The following ALPK1 variants were observed in gnomAD, a reference collection of about 807,000 sequenced individuals.
The protein encoded by ALPK1 is alpha-protein kinase 1.
ALPK1 carries 110 observed loss-of-function variants against 120.6 expected under a neutral mutation model. That is an observed-to-expected ratio of 0.91 (90% CI 0.78 to 1.07). The LOEUF (loss-of-function observed/expected upper bound fraction) is 1.07, where lower values mean the gene tolerates loss of function less well. Ranked by LOEUF, ALPK1 falls within the 50% of genes least tolerant of loss-of-function variation. The pLI is 0.00. For missense variants in ALPK1, 1,498 were observed against 1,483.9 expected, an observed-to-expected ratio of 1.01 and a Z score of -0.16; for synonymous variants, 582 against 560.3, an observed-to-expected ratio of 1.04 and a Z score of -0.55.
At chr4:112,380,520 C>T (rs1731854597) in intron 3 of ALPK1, among the ~76,000 whole-genome samples, 1 of 152,158 alleles carries the variant, frequency 6.6e-6, no homozygotes, top group Non-Finnish European at 1.5e-5. Flanking sequence ...AGTCCTTCCC[C>T]ACCAGAAAAC....
At chr4:112,425,465 G>A in intron 6 of ALPK1, 200 bp from the exon 7 acceptor site, 2 of 421,230 alleles carry the variant, frequency 4.7e-6, no homozygotes, top group South Asian at 5.6e-5. Context: ...GAGTAAGTAG[G>A]GGAACTGGAG....
intron 4 of ALPK1, among the ~76,000 whole-genome samples, chr4:112,409,134 G>A (rs1234807666): frequency 6.6e-6 from 1 of 150,418 alleles, no homozygotes; most frequent in East Asian, 2.0e-4. Context: ...TTGATACGTT[G>A]GTTTTTTAAA....
chr4:112,440,784 A>G (rs1045326214), intron 14 of ALPK1, 133 bp from the exon 15 acceptor site: 18 of 1,229,970 alleles, frequency 1.5e-5, no homozygotes, highest in Non-Finnish European at 1.8e-5. Context: ...AAACCACAGG[A>G]TGGCCAAGTT....
At chr4:112,322,540 G>A (rs1728907980) in intron 2 of ALPK1, among the ~76,000 whole-genome samples, 1 of 152,184 alleles carries the variant, frequency 6.6e-6, no homozygotes, top group Non-Finnish European at 1.5e-5. Flanking sequence ...TATGTGCTAG[G>A]AGTTATTCAA....
At chr4:112,315,677 G>C (rs905236229) in intron 1 of ALPK1, 124 bp from the exon 2 acceptor site, 3 of 152,198 alleles carry the variant, frequency 2.0e-5, no homozygotes, top group African/African-American at 7.2e-5. Context: ...TGATCTTCCT[G>C]TTCCCTTATC....
chr4:112,366,850 T>A (rs1731180286), intron 2 of ALPK1, among the ~76,000 whole-genome samples: 1 of 152,240 alleles, frequency 6.6e-6, no homozygotes, highest in Admixed American at 6.5e-5. Flanking sequence ...ATATACACCA[T>A]GGACTACTAC....
intron 4 of ALPK1, among the ~76,000 whole-genome samples, chr4:112,388,139 A>T (rs549685320): frequency 1.1e-4 from 17 of 152,062 alleles, no homozygotes; most frequent in Non-Finnish European, 2.1e-4. Flanking sequence ...TAGTCAGAAT[A>T]TTTTTTCTAA....
Position 112,431,490 on chromosome 4 carries a change from T to C in ALPK1, c.1943T>C (p.Leu648Pro). 3.7e-6 allele frequency: 6 copies of C among 1,614,152 alleles called. No homozygotes were observed. Among genetic ancestry groups the C allele is most frequent in the Non-Finnish European group, 5.1e-6 (6 of 1,180,008 alleles). Residue 648 changes from leucine (L) to proline (P), a missense_variant, in exon 11 of 16, where the codon CTC becomes CCC. By Grantham distance (98) the Leu-to-Pro change is moderately conservative. Transcript: ENST00000650871. ...MHSLHSQLHD[L>P]SLQEPNNDNL... The stretch of plus-strand genomic sequence containing the variant: ...TCATTGCATTCACAGCTTCATGATC[T>C]CTCTCTTCAGGAACCCAACAATGAC...
intron 2 of ALPK1, chr4:112,357,421 G>GTGCA (rs1190436203): frequency 2.9e-6 from 2 of 695,826 alleles, no homozygotes; most frequent in Non-Finnish European, 5.1e-6. Flanking sequence ...ACCAGAGGGT[G>GTGCA]GTTCAGCCAT....
chr4:112,304,192 T>C (rs1298017036), intron 1 of ALPK1, among the ~76,000 whole-genome samples: 2 of 151,680 alleles, frequency 1.3e-5, no homozygotes, highest in East Asian at 1.9e-4. Context: ...CTATTGTGAA[T>C]AGTGCCACAA....
At chr4:112,351,308 A>G (rs1446051943) in intron 2 of ALPK1, among the ~76,000 whole-genome samples, 14 of 152,166 alleles carry the variant, frequency 9.2e-5, no homozygotes, top group Admixed American at 9.2e-4. Context: ...CACAAAGGCA[A>G]GAGAGATAGA....
intron 5 of ALPK1, chr4:112,414,444 T>G: frequency 2.7e-6 from 1 of 376,032 alleles, no homozygotes. Context: ...CCATCTCTAC[T>G]GAAAACTACA....
chr4:112,406,486 C>A (rs1273125513), intron 4 of ALPK1, among the ~76,000 whole-genome samples: 6 of 152,152 alleles, frequency 3.9e-5, no homozygotes, highest in Non-Finnish European at 8.8e-5. Context: ...GGCATTTTGG[C>A]ATGCTAAGTA....
intron 2 of ALPK1, among the ~76,000 whole-genome samples, chr4:112,319,135 T>TA (rs1210699856): frequency 3.9e-5 from 6 of 152,162 alleles, no homozygotes; most frequent in African/African-American, 1.4e-4. Flanking sequence ...GCCTGGAGGC[T>TA]AGTGGTCCAA....
intron 2 of ALPK1, among the ~76,000 whole-genome samples, chr4:112,321,872 G>T (rs1032436496): frequency 6.6e-6 from 1 of 152,128 alleles, no homozygotes; most frequent in Middle Eastern, 3.4e-3. Context: ...AATTTATTTA[G>T]ACCTGTTCTG....
Position 112,430,712 on chromosome 4 carries a change from C to G in ALPK1, c.1165C>G (p.Leu389Val), listed in dbSNP as rs763727109. 2.5e-6 allele frequency: 4 copies of G among 1,614,110 alleles called. No individual in the cohort carries two copies. Among genetic ancestry groups the G allele is most frequent in the African/African-American group, 1.3e-5 (1 of 74,934 alleles). Residue 389 changes from leucine to valine, a missense_variant, in exon 11 of 16, where the codon CTG becomes GTG. Coordinates refer to ENST00000650871, the MANE Select transcript of ALPK1 (RefSeq NM_025144.4). ...SQLCKEAMGK[L>V]YNFSTSSRSQ... ...GCTCTGTAAGGAAGCAATGGGGAAG[C>G]TGTACAATTTCAGCACTTCCTCCAG...
intron 15 of ALPK1, 49 bp downstream of exon 15, chr4:112,441,154 C>G (rs1226495087): frequency 4.3e-6 from 7 of 1,613,724 alleles, no homozygotes; most frequent in Non-Finnish European, 5.9e-6. Context: ...CTTAGTGATG[C>G]TCTCAAATAT....
chr4:112,433,313 T>C (rs1734657334), intron 11 of ALPK1, among the ~76,000 whole-genome samples: 1 of 152,238 alleles, frequency 6.6e-6, no homozygotes, highest in Admixed American at 6.5e-5. Context: ...GCCTTTTCTC[T>C]GTGTCCTCAC....
chr4:112,349,688 G>A (rs1428265661), intron 2 of ALPK1, among the ~76,000 whole-genome samples: 5 of 151,958 alleles, frequency 3.3e-5, no homozygotes, highest in Middle Eastern at 3.4e-3. Flanking sequence ...CGAGTAGCTG[G>A]GACTACAGGC....
Sources: gnomAD v4.1 joint callset for allele counts (sites outside exome capture counted in the v4.1 genomes callset) on GRCh38, gnomAD v4.1.1 for gene constraint, MANE v1.5 for transcripts, NCBI Gene and HGNC (gene_info 2026-07-23, HGNC 2026-07-21) for gene names.